The following MORN3 variants were observed in gnomAD, a reference collection of about 807,000 sequenced individuals.
MORN3 encodes MORN repeat-containing protein 3.
In MORN3, 38 loss-of-function variants were observed where a neutral mutation model predicts 34.7. That is an observed-to-expected ratio of 1.10 (90% CI 0.85 to 1.44). The LOEUF (loss-of-function observed/expected upper bound fraction) is 1.44, where lower values mean the gene tolerates loss of function less well. Ranked by LOEUF, MORN3 falls within the 40% of genes most tolerant of loss-of-function variation. The probability of loss-of-function intolerance (pLI) is 0.00; values close to 1 mark genes in which losing one functional copy is unlikely to be tolerated. For synonymous variants in MORN3, 109 were observed against 115.3 expected (o/e 0.95, Z 0.35); for missense variants, 311 against 321.7 (o/e 0.97, Z 0.25).
intron 2 of MORN3, among the ~76,000 whole-genome samples, chr12:121,655,458 C>T (rs1555325596): frequency 6.6e-6 from 1 of 151,918 alleles, no homozygotes; most frequent in African/African-American, 2.4e-5. Context: ...GCCTATAATC[C>T]CAGCACTTTG....
intron 5 of MORN3, among the ~76,000 whole-genome samples, chr12:121,651,870 G>A (rs1220306268): frequency 6.6e-6 from 1 of 152,106 alleles, no homozygotes; most frequent in African/African-American, 2.4e-5. Flanking sequence ...GTGGCCCAGG[G>A]TGCAAATAGA....
intron 1 of MORN3, among the ~76,000 whole-genome samples, chr12:121,667,770 C>T (rs1893813576): frequency 6.6e-6 from 1 of 150,950 alleles, no homozygotes; most frequent in Admixed American, 6.6e-5. Flanking sequence ...GTCGCCCAGG[C>T]TGGAGTGCAG....
At chr12:121,661,627 G>C (rs568303434) in intron 1 of MORN3, among the ~76,000 whole-genome samples, 220 of 152,190 alleles carry the variant, frequency 1.4e-3, no homozygotes, top group African/African-American at 5.2e-3. Flanking sequence ...CTGTAACCCA[G>C]CAGTTTGGGA....
At chr12:121,659,138 C>CAT in intron 2 of MORN3, 53 bp downstream of exon 2, 1 of 168,324 alleles carries the variant, frequency 5.9e-6, no homozygotes, top group East Asian at 1.8e-4. Context: ...CACACGCGCG[C>CAT]ACACACACAC....
At chr12:121,656,576 G>A (rs1172678281) in intron 2 of MORN3, among the ~76,000 whole-genome samples, 1 of 151,998 alleles carries the variant, frequency 6.6e-6, no homozygotes, top group African/African-American at 2.4e-5. Context: ...GTGCAGTGGC[G>A]TGATCTCGGT....
Position 121,659,222 on chromosome 12 carries a change from T to C in MORN3, c.272A>G (p.Tyr91Cys), listed in dbSNP as rs1031756281. 5.0e-6 allele frequency: 8 copies of C among 1,613,738 alleles called. No homozygotes were observed. The highest frequency in any genetic ancestry group is 6.8e-6 in the Non-Finnish European group (8 of 1,179,914). The change falls in exon 2 of 6, where the codon TAC (tyrosine) becomes TGC (cysteine). Residue 91 changes from tyrosine to cysteine, a missense_variant. Tyr to Cys is a radical substitution (Grantham distance 194, BLOSUM62 -2). Coordinates refer to ENST00000355329, the MANE Select transcript of MORN3 (RefSeq NM_173855.5). The stretch of plus-strand genomic sequence containing the variant: ...CTTATCACCTTTCCACCAGCCTGAG[T>C]AGACTCTCCTGCACTTTCCTGTCTG... ...DQQTGKCRRV[Y>C]SGWWKGDKKS...
At chr12:121,666,972 T>G (rs1893779666) in intron 1 of MORN3, among the ~76,000 whole-genome samples, 1 of 150,050 alleles carries the variant, frequency 6.7e-6, no homozygotes, top group Admixed American at 6.7e-5. Context: ...TTTTTTTTTT[T>G]TTGAGATGGA....
intron 1 of MORN3, among the ~76,000 whole-genome samples, chr12:121,663,436 GA>G (rs1385628941): frequency 6.6e-6 from 1 of 152,140 alleles, no homozygotes; most frequent in Non-Finnish European, 1.5e-5. Context: ...GACCTCAGGA[GA>G]TCCACCCATC....
chr12:121,659,394 G>C (rs771916799), intron 1 of MORN3, 46 bp from the exon 2 acceptor site: 1 of 1,603,006 alleles, frequency 6.2e-7, no homozygotes. Flanking sequence ...GCCGCCGGGG[G>C]GTGGGGGTGG....
chr12:121,664,604 C>T (rs924445979), intron 1 of MORN3, among the ~76,000 whole-genome samples: 1 of 152,086 alleles, frequency 6.6e-6, no homozygotes, highest in Non-Finnish European at 1.5e-5. Context: ...ACTGAAGATA[C>T]AAAAATTAAC....
At chr12:121,667,150 C>T (rs1315640830) in intron 1 of MORN3, among the ~76,000 whole-genome samples, 4 of 151,518 alleles carry the variant, frequency 2.6e-5, no homozygotes, top group African/African-American at 9.7e-5. Context: ...TTAGTAGAGA[C>T]GGAGTTTCAC....
At chr12:121,671,235 G>A (rs1446753377), upstream of MORN3, among the ~76,000 whole-genome samples, 3 of 149,620 alleles carry the variant, frequency 2.0e-5, no homozygotes, top group Non-Finnish European at 3.0e-5. Context: ...GTGAAACCCC[G>A]TCTCTACTAA....
At chr12:121,656,820 C>T (rs1184513792) in intron 2 of MORN3, among the ~76,000 whole-genome samples, 1 of 152,190 alleles carries the variant, frequency 6.6e-6, no homozygotes, top group Non-Finnish European at 1.5e-5. Flanking sequence ...TGTGCTTAGC[C>T]TTCTGTCCTG....
At chr12:121,659,419 C>CCTCAGGGG in intron 1 of MORN3, 71 bp from the exon 2 acceptor site, 1 of 1,561,568 alleles carries the variant, frequency 6.4e-7, no homozygotes, top group Non-Finnish European at 8.8e-7. Context: ...CCTGCCTGAG[C>CCTCAGGGG]CTCAGGGGCC....
At chr12:121,656,303 T>G (rs1197580116) in intron 2 of MORN3, among the ~76,000 whole-genome samples, 1 of 152,022 alleles carries the variant, frequency 6.6e-6, no homozygotes, top group Non-Finnish European at 1.5e-5. Context: ...TCTTTTAGTG[T>G]CACCTCCTAC....
Position 121,651,474 on chromosome 12 carries a change from G to A in MORN3, c.*177C>T, listed in dbSNP as rs559445196. 1 of 152,424 alleles carries A rather than the reference G, an allele frequency of 6.6e-6. No individual in the cohort carries two copies. The highest frequency in any genetic ancestry group is 2.1e-4 in the South Asian group (1 of 4,822). 9.4% of individuals were successfully genotyped at this position (152,424 alleles called of 1,614,324 possible). A position where few individuals can be genotyped will look rare whatever the true frequency, so the allele number is the denominator to read the frequency against. ...GTCCCGAGGACAGCCTGGGAGAGAA[G>A]CACCAGCCTTCCTATTGGCAAGAAA... On this transcript the variant is annotated 3_prime_UTR_variant, in exon 6 of 6. Transcript: ENST00000355329.
At chr12:121,659,622 C>T (rs1893520466) in intron 1 of MORN3, among the ~76,000 whole-genome samples, 1 of 151,620 alleles carries the variant, frequency 6.6e-6, no homozygotes, top group South Asian at 2.1e-4. Context: ...GCAACCTCTG[C>T]CTCCCGGGTT....
At position 121,648,748 on chromosome 12, in the gene MORN3, T is replaced by A. The variant is rs1300560478; in HGVS notation, c.*2903A>T. ...CTCCTAGTTAGGAGCACAGTCTCTT[T>A]AACTTCATTTTTATTTACATTTTGA... On this transcript the variant is annotated 3_prime_UTR_variant, in exon 6 of 6. Transcript: ENST00000355329. The A allele has an allele frequency of 2.6e-5, 4 of 152,174 alleles. No individual in the cohort carries two copies. The highest frequency in any genetic ancestry group is 9.7e-5 in the African/African-American group (4 of 41,446). The allele number at this position is 152,174 out of a possible 1,614,324, so 9.4% of individuals were successfully genotyped here. A position where few individuals can be genotyped will look rare whatever the true frequency, so the allele number is the denominator to read the frequency against.
At chr12:121,658,949 C>T (rs1893494719) in intron 2 of MORN3, among the ~76,000 whole-genome samples, 1 of 152,090 alleles carries the variant, frequency 6.6e-6, no homozygotes, top group South Asian at 2.1e-4. Flanking sequence ...TCCTCGCAAC[C>T]GCAGGGTTTC....
Sources: gnomAD v4.1 joint callset for allele counts (sites outside exome capture counted in the v4.1 genomes callset) on GRCh38, gnomAD v4.1.1 for gene constraint, MANE v1.5 for transcripts, NCBI Gene and HGNC (gene_info 2026-07-23, HGNC 2026-07-21) for gene names.